CHRM2: variants seen among roughly 807,000 people sequenced by gnomAD.
CHRM2 encodes muscarinic acetylcholine receptor M2.
Under a neutral mutation model 25.0 loss-of-function variants are expected in CHRM2, and 8 were observed. The observed-to-expected ratio is 0.32, with a 90% confidence interval of 0.19 to 0.58. The LOEUF (loss-of-function observed/expected upper bound fraction) is 0.58. Ranked by LOEUF, CHRM2 falls within the 20% of genes least tolerant of loss-of-function variation. The pLI is 0.88. For synonymous variants in CHRM2, 202 were observed against 205.7 expected (o/e 0.98, Z 0.15); for missense variants, 440 against 567.1 (o/e 0.78, Z 2.28).
intron 2 of CHRM2, among the ~76,000 whole-genome samples, chr7:136,924,010 C>T (rs1798595278): frequency 6.6e-6 from 1 of 151,988 alleles, no homozygotes; most frequent in Admixed American, 6.6e-5. Flanking sequence ...GAGACTCTTC[C>T]TCTAAAAATA....
intron 2 of CHRM2, among the ~76,000 whole-genome samples, chr7:136,925,307 T>A (rs1452181796): frequency 6.6e-6 from 1 of 152,160 alleles, no homozygotes; most frequent in Non-Finnish European, 1.5e-5. Context: ...TATCTTTTTT[T>A]ATCTTATCTA....
chr7:136,893,651 G>A (rs1006793102), intron 2 of CHRM2, among the ~76,000 whole-genome samples: 37 of 152,112 alleles, frequency 2.4e-4, no homozygotes, highest in African/African-American at 8.0e-4. Context: ...GACCTCTGCC[G>A]TCCTTCAGTC....
At chr7:136,949,522 G>A (rs1800271035) in intron 2 of CHRM2, among the ~76,000 whole-genome samples, 1 of 150,646 alleles carries the variant, frequency 6.6e-6, no homozygotes, top group South Asian at 2.1e-4. Flanking sequence ...TAGCTACTTT[G>A]GAGGCTGAGG....
chr7:137,017,237 G>A lies in CHRM2; in HGVS notation c.*971G>A, dbSNP rs1467651363. The A allele has an allele frequency of 6.6e-6, 1 of 151,898 alleles. No individual in the cohort carries two copies. The highest frequency in any genetic ancestry group is 2.4e-5 in the African/African-American group (1 of 41,374). The allele number at this position is 151,898 out of a possible 1,614,324, so 9.4% of individuals were successfully genotyped here. The stretch of plus-strand genomic sequence containing the variant: ...ATCAAATTAAATAATGGACTATCTA[G>A]TTGGACCAAGTTTATTAAAGTCAGG... On this transcript the variant is annotated 3_prime_UTR_variant, in exon 4 of 4. Transcript: ENST00000680005.
chr7:136,939,486 T>C (rs1799636032), intron 2 of CHRM2, among the ~76,000 whole-genome samples: 1 of 152,194 alleles, frequency 6.6e-6, no homozygotes, highest in Non-Finnish European at 1.5e-5. Flanking sequence ...TAATGGGTGG[T>C]TGCAAAGAGT....
chr7:136,998,613 G>A lies in CHRM2; in HGVS notation c.-47+6349G>A, dbSNP rs139390537. Among the ~76,000 whole-genome samples, 170 of 152,234 alleles carry A rather than the reference G, an allele frequency of 1.1e-3. 1 individual carries two copies. The highest frequency in any genetic ancestry group is 2.1e-3 in the Non-Finnish European group (146 of 68,026). ...AAATCAAACTCAGAGAAATGAAATA[G>A]CATCTCTGGAATGACAATGCACATA... On this transcript the variant is annotated intron_variant, in intron 3 of 3. Coordinates refer to ENST00000680005, the MANE Select transcript of CHRM2 (RefSeq NM_001006630.2).
rs75545842 is a variant in CHRM2 at position 136,921,897 on chromosome 7, C to T, written c.-125+52479C>T. Among the ~76,000 whole-genome samples the T allele has an allele frequency of 4.5e-3, 690 of 151,796 alleles. 8 individuals carry two copies. The highest frequency in any genetic ancestry group is 0.016 in the African/African-American group (651 of 41,422). ...CCCAGGTTCAAGTGCCTCAGCCTCC[C>T]GAGTAGCTGGGATTACAGGTGCGCA... On this transcript the variant is annotated intron_variant, in intron 2 of 3. Coordinates refer to ENST00000680005, the MANE Select transcript of CHRM2 (RefSeq NM_001006630.2).
intron 2 of CHRM2, among the ~76,000 whole-genome samples, chr7:136,885,333 C>A (rs1197096004): frequency 6.6e-6 from 1 of 152,178 alleles, no homozygotes; most frequent in African/African-American, 2.4e-5. Context: ...CTCACATACT[C>A]CCTTCAACTC....
chr7:136,901,295 T>C (rs989177466), intron 2 of CHRM2, among the ~76,000 whole-genome samples: 1 of 152,066 alleles, frequency 6.6e-6, no homozygotes, highest in African/African-American at 2.4e-5. Context: ...TTGCATGCAG[T>C]TCTAGCTGCA....
intron 2 of CHRM2, among the ~76,000 whole-genome samples, chr7:136,883,423 C>T (rs896036682): frequency 1.3e-5 from 2 of 152,080 alleles, no homozygotes; most frequent in African/African-American, 4.8e-5. Context: ...ATCATCTAGT[C>T]TGATGCCTTT....
chr7:136,960,445 C>T (rs1164436903), intron 2 of CHRM2, among the ~76,000 whole-genome samples: 1 of 152,212 alleles, frequency 6.6e-6, no homozygotes, highest in East Asian at 1.9e-4. Context: ...TAAGCCAGAA[C>T]ATCCTATTCA....
intron 2 of CHRM2, among the ~76,000 whole-genome samples, chr7:136,966,446 G>T (rs952377476): frequency 1.3e-5 from 2 of 151,748 alleles, no homozygotes; most frequent in Admixed American, 6.6e-5. Flanking sequence ...AATCCTGAGG[G>T]TCACTAAGGT....
At chr7:136,948,947 A>C (rs1291346732) in intron 2 of CHRM2, among the ~76,000 whole-genome samples, 2 of 152,208 alleles carry the variant, frequency 1.3e-5, no homozygotes, top group Non-Finnish European at 2.9e-5. Context: ...AAGGGAAGGT[A>C]GTGCAGCTAT....
chr7:136,938,495 C>G, intron 2 of CHRM2: 2 of 1,052,084 alleles, frequency 1.9e-6, no homozygotes, highest in Non-Finnish European at 3.0e-6. Flanking sequence ...GGGTTCACCT[C>G]TAGGATAAGG....
intron 2 of CHRM2, among the ~76,000 whole-genome samples, chr7:136,990,483 T>A (rs996285095): frequency 1.3e-5 from 2 of 152,188 alleles, no homozygotes; most frequent in African/African-American, 2.4e-5. Flanking sequence ...TGCGGTCTTT[T>A]CATATTGCTG....
At chr7:136,896,680 A>C (rs1796915516) in intron 2 of CHRM2, among the ~76,000 whole-genome samples, 1 of 152,150 alleles carries the variant, frequency 6.6e-6, no homozygotes, top group African/African-American at 2.4e-5. Flanking sequence ...ACGCAATCTC[A>C]GCTGAGGCTA....
intron 2 of CHRM2, among the ~76,000 whole-genome samples, chr7:136,879,953 A>C (rs1326255559): frequency 1.3e-5 from 2 of 151,902 alleles, no homozygotes; most frequent in African/African-American, 2.4e-5. Flanking sequence ...TGGAAAAAAA[A>C]CAAGATTGTC....
At chr7:136,871,283 A>T (rs1195449757) in intron 2 of CHRM2, 1 of 152,470 alleles carries the variant, frequency 6.6e-6, no homozygotes. Flanking sequence ...GGCTGTGCGG[A>T]GCCCTGAGGG....
At chr7:136,913,487 G>A (rs1034227906) in intron 2 of CHRM2, among the ~76,000 whole-genome samples, 2 of 151,868 alleles carry the variant, frequency 1.3e-5, no homozygotes, top group Non-Finnish European at 2.9e-5. Context: ...TACATCCACA[G>A]CAAATATATC....
Sources: gnomAD v4.1 joint callset for allele counts (sites outside exome capture counted in the v4.1 genomes callset) on GRCh38, gnomAD v4.1.1 for gene constraint, MANE v1.5 for transcripts, NCBI Gene and HGNC (gene_info 2026-07-23, HGNC 2026-07-21) for gene names.